Variants in AXIN1 observed in about 807,000 individuals in gnomAD.
The protein encoded by AXIN1 is axin-1.
Under a neutral mutation model 76.4 loss-of-function variants are expected in AXIN1, and 30 were observed. The ratio of observed to expected loss-of-function variants is 0.39; its 90% confidence interval spans 0.29 to 0.53. The LOEUF (loss-of-function observed/expected upper bound fraction) is 0.53, where lower values mean the gene tolerates loss of function less well. Among genes scored for constraint, AXIN1 ranks in the 20% least tolerant of loss-of-function variants. AXIN1 has a pLI of 0.66. For missense variants in AXIN1, 1,140 were observed against 1,198.8 expected, an observed-to-expected ratio of 0.95 and a Z score of 0.72; for synonymous variants, 545 against 501.4, an observed-to-expected ratio of 1.09 and a Z score of -1.16.
rs2052634586 is a variant in AXIN1 at position 293,788 on chromosome 16, T to G, written c.1956-70A>C. On this transcript the variant is annotated intron_variant, in intron 7 of 10. Coordinates refer to ENST00000262320, the MANE Select transcript of AXIN1 (RefSeq NM_003502.4). This position sits in a 1 kb window ranked among gnomAD's most constrained non-coding sequence, Gnocchi z 4.6. Reference sequence around the variant, plus strand: ...GCCAGGTGGCCTGGTGGGGCTACACTCATCTCACAAGGGCAGCCTCCTTGA... The same window carrying G: ...GCCAGGTGGCCTGGTGGGGCTACACGCATCTCACAAGGGCAGCCTCCTTGA... The G allele has an allele frequency of 6.7e-7, 1 of 1,485,372 alleles. No individual in the cohort carries two copies. Among genetic ancestry groups the G allele is most frequent in the Admixed American group, 1.7e-5 (1 of 59,854 alleles). 92.0% of individuals were successfully genotyped at this position (1,485,372 alleles called of 1,614,324 possible).
chr16:328,245 T>A (rs779869890), intron 2 of AXIN1, among the ~76,000 whole-genome samples: 3 of 151,962 alleles, frequency 2.0e-5, no homozygotes, highest in Non-Finnish European at 4.4e-5. Context: ...TTTAAAAAAT[T>A]AGCCAGGTGT....
At chr16:306,464 T>C (rs1019803539) in intron 4 of AXIN1, among the ~76,000 whole-genome samples, 6 of 152,014 alleles carry the variant, frequency 3.9e-5, no homozygotes, top group African/African-American at 1.4e-4. Context: ...AGATGGGAGG[T>C]GGGACCCTCC....
intron 3 of AXIN1, among the ~76,000 whole-genome samples, chr16:314,162 G>C (rs1183449407): frequency 1.3e-5 from 2 of 152,156 alleles, no homozygotes; most frequent in Non-Finnish European, 2.9e-5. Context: ...GTTCACCCTC[G>C]ATCCTTCCTC....
chr16:290,099 G>A (rs113384191), intron 9 of AXIN1: 12,192 of 206,354 alleles, frequency 0.059, 566 homozygotes, highest in Non-Finnish European at 0.092. Context: ...GGCTGGCACC[G>A]TCTCCTGCCC....
chr16:352,252 C>T, intron 1 of AXIN1, 117 bp downstream of exon 1: 1 of 622,390 alleles, frequency 1.6e-6, no homozygotes, highest in Non-Finnish European at 2.0e-6. Context: ...CCCAGCTCCC[C>T]GCGCGCCCAC....
rs191756821 is a variant in AXIN1 at position 307,306 on chromosome 16, A to G, written c.1116+2667T>C. On this transcript the variant is annotated intron_variant, in intron 4 of 10. Transcript: ENST00000262320. Reference sequence around the variant, plus strand: ...TGCAGGCTGCGTCACCACGGTTCTGAGAACAGCAAAACTGTCAGAGTCATC... The same window carrying G: ...TGCAGGCTGCGTCACCACGGTTCTGGGAACAGCAAAACTGTCAGAGTCATC... Among the ~76,000 whole-genome samples the G allele has an allele frequency of 5.8e-4, 89 of 152,366 alleles. 1 individual carries two copies. Among genetic ancestry groups the G allele is most frequent in the Admixed American group, 2.8e-3 (43 of 15,308 alleles).
chr16:289,370 C>T (rs2052486312), intron 10 of AXIN1, 70 bp downstream of exon 10: 1 of 1,593,578 alleles, frequency 6.3e-7, no homozygotes, highest in African/African-American at 1.3e-5. Flanking sequence ...CGGCTGGAAA[C>T]CCTCTTTTTC....
intron 2 of AXIN1, among the ~76,000 whole-genome samples, chr16:329,791 T>G (rs2053658004): frequency 7.1e-6 from 1 of 140,772 alleles, no homozygotes; most frequent in South Asian, 2.1e-4. Context: ...GCCCGGCTAT[T>G]TTTTTTTTTT....
Position 332,563 on chromosome 16 carries a change from G to A in AXIN1, c.878+13585C>T, listed in dbSNP as rs1237188738. ...TGCACTCCAGGCTGGGCGAAAGAGC[G>A]AGACTCCTTCTCAAAAAAAAAAAGA... is the stretch of plus-strand genomic sequence containing the variant. On this transcript the variant is annotated intron_variant, in intron 2 of 10. Coordinates refer to ENST00000262320, the MANE Select transcript of AXIN1 (RefSeq NM_003502.4). 1.3e-4 allele frequency among the ~76,000 whole-genome samples: 19 copies of A among 146,596 alleles called. No individual in the cohort carries two copies. The South Asian group carries it at 2.1e-3, about 16-fold the overall frequency.
intron 5 of AXIN1, among the ~76,000 whole-genome samples, chr16:300,865 A>G (rs930956966): frequency 6.6e-6 from 1 of 152,244 alleles, no homozygotes; most frequent in African/African-American, 2.4e-5. Context: ...GCCGAGCTCC[A>G]CATCGGCAGG....
At chr16:334,315 G>C (rs1316449762) in intron 2 of AXIN1, among the ~76,000 whole-genome samples, 1 of 147,406 alleles carries the variant, frequency 6.8e-6, no homozygotes, top group Non-Finnish European at 1.5e-5. Flanking sequence ...CCAGCACCCA[G>C]TACCATGGCA....
At chr16:311,397 C>T (rs1447038004) in intron 3 of AXIN1, among the ~76,000 whole-genome samples, 1 of 152,142 alleles carries the variant, frequency 6.6e-6, no homozygotes, top group Non-Finnish European at 1.5e-5. Flanking sequence ...TATACATGGT[C>T]TGAATAATTA....
Position 304,078 on chromosome 16 carries a change from G to A in AXIN1, c.1254+226C>T, listed in dbSNP as rs955234265. Among the ~76,000 whole-genome samples the A allele has an allele frequency of 2.0e-5, 3 of 152,216 alleles. No individual in the cohort carries two copies. The East Asian group carries it at 5.8e-4, about 29-fold the overall frequency. On this transcript the variant is annotated intron_variant, in intron 5 of 10. Transcript: ENST00000262320. The stretch of plus-strand genomic sequence containing the variant: ...GGCCCCTTCAATGCAGGTGACCAAG[G>A]TGGGTCTCTGGGCCTCTGAGGGTGG...
intron 10 of AXIN1, 87 bp from the exon 11 acceptor site, chr16:288,335 C>CT (rs2052446947): frequency 6.3e-7 from 1 of 1,595,550 alleles, no homozygotes; most frequent in African/African-American, 1.3e-5. Flanking sequence ...TGTCCACACC[C>CT]CATCCCGAGG....
chr16:317,066 T>C (rs920539132), intron 2 of AXIN1, among the ~76,000 whole-genome samples: 3 of 152,082 alleles, frequency 2.0e-5, no homozygotes, highest in Admixed American at 2.0e-4. Flanking sequence ...GAGTCCTTGG[T>C]GTGGAGGGAG....
intron 4 of AXIN1, 110 bp downstream of exon 4, chr16:309,863 T>TAAGCCTGGCTCTAGGC (rs2141571546): frequency 9.5e-7 from 1 of 1,055,804 alleles, no homozygotes; most frequent in East Asian, 2.5e-5. Flanking sequence ...CGCCTAGAGG[T>TAAGCCTGGCTCTAGGC]AAGCCTGGCT....
At chr16:299,551 C>T (rs2052811711) in intron 5 of AXIN1, among the ~76,000 whole-genome samples, 1 of 152,042 alleles carries the variant, frequency 6.6e-6, no homozygotes, top group South Asian at 2.1e-4. Context: ...GACGGGGTTT[C>T]ACCATGTTGG....
chr16:340,022 CCTTT>C (rs1308908876), intron 2 of AXIN1, among the ~76,000 whole-genome samples: 3 of 152,076 alleles, frequency 2.0e-5, no homozygotes, highest in Non-Finnish European at 4.4e-5. Context: ...CATTTTGGGC[CCTTT>C]CTTTTTCTTC....
chr16:327,522 C>T (rs1022018609), intron 2 of AXIN1, among the ~76,000 whole-genome samples: 1 of 152,200 alleles, frequency 6.6e-6, no homozygotes, highest in Non-Finnish European at 1.5e-5. Context: ...CACTGTGAAC[C>T]GCACAACACA....
Sources: allele counts gnomAD v4.1 joint callset (sites outside exome capture counted in the v4.1 genomes callset), GRCh38; gene constraint gnomAD v4.1.1; non-coding constraint Gnocchi (gnomAD v3.1); transcripts MANE v1.5; gene names NCBI Gene and HGNC (gene_info 2026-07-23, HGNC 2026-07-21).